The following HBB variants were observed in gnomAD, a reference collection of about 807,000 sequenced individuals.
HBB encodes hemoglobin subunit beta, also known as Hb Monza protein.
In HBB, 18 loss-of-function variants were observed where a neutral mutation model predicts 9.7. The observed-to-expected ratio is 1.86, with a 90% CI of 1.28 to 2.76. The LOEUF (loss-of-function observed/expected upper bound fraction) is 2.76, where lower values mean the gene tolerates loss of function less well. HBB is among the 30% of genes most tolerant of loss of function. The probability of loss-of-function intolerance (pLI) is 0.00; values close to 1 mark genes in which losing one functional copy is unlikely to be tolerated. For missense variants in HBB, 156 were observed against 177.0 expected (o/e 0.88, Z 0.67); for synonymous variants, 99 against 73.6 (o/e 1.35, Z -1.77).
chr11:5,226,503 A>G lies in HBB; in HGVS notation c.315+74T>C, dbSNP rs7480526. 7.4e-7 allele frequency: 1 copy of G among 1,343,124 alleles called. No homozygotes were observed. The allele number at this position is 1,343,124 out of a possible 1,614,324, so 83.2% of individuals were successfully genotyped here. The stretch of plus-strand genomic sequence containing the variant: ...CATTCTAAACTGTACCCTGTTACTT[A>G]TCCCCTTCCTATGACATGAACTTAA... On this transcript the variant is annotated intron_variant, in intron 2 of 2. Transcript: ENST00000335295.
Position 5,226,561 on chromosome 11 carries a change from C to T in HBB, c.315+16G>A, listed in dbSNP as rs10768683. 3 of 1,610,056 alleles carry T rather than the reference C, an allele frequency of 1.9e-6. No individual in the cohort carries two copies. Among genetic ancestry groups the T allele is most frequent in the East Asian group, 2.2e-5 (1 of 44,826 alleles). On this transcript the variant is annotated intron_variant, in intron 2 of 2. Transcript: ENST00000335295. ...AAAGAAGGGGAAAGAAAACATCAAG[C>T]GTCCCATAGACTCACCCTGAAGTTC...
chr11:5,225,503 G>T lies in HBB; in HGVS notation c.*95C>A. The T allele has an allele frequency of 8.8e-7, 1 of 1,141,894 alleles. No homozygotes were observed. The highest frequency in any genetic ancestry group is 1.3e-6 in the Non-Finnish European group (1 of 749,512). 70.7% of individuals were successfully genotyped at this position (1,141,894 alleles called of 1,614,324 possible). Reference sequence around the variant, plus strand: ...AATGTTTTTTATTAGGCAGAATCCAGATGCTCAAGGCCCTTCATAATATCC... The same window carrying T: ...AATGTTTTTTATTAGGCAGAATCCATATGCTCAAGGCCCTTCATAATATCC... On this transcript the variant is annotated 3_prime_UTR_variant, in exon 3 of 3. Coordinates refer to ENST00000335295, the MANE Select transcript of HBB (RefSeq NM_000518.5).
At chr11:5,225,747 G>A (rs778472232) in intron 2 of HBB, 21 bp from the exon 3 acceptor site, 2 of 1,613,500 alleles carry the variant, frequency 1.2e-6, no homozygotes, top group Non-Finnish European at 1.7e-6. Flanking sequence ...AAGATAAGAG[G>A]TATGAACATG....
At position 5,226,727 on chromosome 11, in the gene HBB, A is replaced by G. The variant is rs760975738; in HGVS notation, c.165T>C (p.Val55=). The part of the protein sequence containing the change: ...SFGDLSTPDA[V]MGNPKVKAHG... ...GAGCCTTCACCTTAGGGTTGCCCAT[A>G]ACAGCATCAGGAGTGGACAGATCCC... The change falls in exon 2 of 3, where the codon GTT becomes GTC. Residue 55 remains valine (V), a synonymous_variant. Coordinates refer to ENST00000335295, the MANE Select transcript of HBB (RefSeq NM_000518.5). 8 of 1,614,030 alleles carry G rather than the reference A, an allele frequency of 5.0e-6. No individual in the cohort carries two copies. The East Asian group carries it at 1.3e-4, about 27-fold the overall frequency.
In HBB at chr11:5,226,873, C is replaced by T. The variant is rs962266675; in HGVS notation, c.92+57G>A. 2 of 1,590,268 alleles carry T rather than the reference C, an allele frequency of 1.3e-6. No homozygotes were observed. The highest frequency in any genetic ancestry group is 1.1e-5 in the South Asian group (1 of 90,648). On this transcript the variant is annotated intron_variant, in intron 1 of 2. Transcript: ENST00000335295. ...AGAAACCCAAGAGTCTTCTCTGTCT[C>T]CACATGCCCAGTTTCTATTGGTCTC... is the stretch of plus-strand genomic sequence containing the variant.
chr11:5,226,399 C>A, intron 2 of HBB, 178 bp downstream of exon 2: 1 of 647,258 alleles, frequency 1.5e-6, no homozygotes. Context: ...CAAAAGAAAA[C>A]AATTGTTATG....
rs111415391 is a variant in HBB at position 5,226,317 on chromosome 11, T to C, written c.315+260A>G. Reference sequence around the variant, plus strand: ...ATCTCAGAGATATTTCCTTTTGTTATACACAATGTTAAGGCATTAAGTATA... The same window carrying C: ...ATCTCAGAGATATTTCCTTTTGTTACACACAATGTTAAGGCATTAAGTATA... On this transcript the variant is annotated intron_variant, in intron 2 of 2. Transcript: ENST00000335295. 188 of 590,224 alleles carry C rather than the reference T, an allele frequency of 3.2e-4. 2 individuals are homozygous for C. The highest frequency in any genetic ancestry group is 2.6e-3 in the African/African-American group (137 of 53,672). 36.6% of individuals were successfully genotyped at this position (590,224 alleles called of 1,614,324 possible).
In HBB at chr11:5,225,662, A is replaced by T. The variant is rs33925391; in HGVS notation, c.380T>A (p.Val127Glu). 2 of 1,614,070 alleles carry T rather than the reference A, an allele frequency of 1.2e-6. No individual in the cohort carries two copies. The highest frequency in any genetic ancestry group is 1.7e-5 in the Admixed American group (1 of 60,012). ...CACCACTTTCTGATAGGCAGCCTGC[A>T]CTGGTGGGGTGAATTCTTTGCCAAA... is the stretch of plus-strand genomic sequence containing the variant. ...HHFGKEFTPP[V>E]QAAYQKVVAG... The change falls in exon 3 of 3, where the codon GTG (valine) becomes GAG (glutamate). Residue 127 changes from valine (V) to glutamate (E), a missense_variant. By Grantham distance (121) the Val-to-Glu change is moderately radical (BLOSUM62 -2). Transcript: ENST00000335295.
chr11:5,226,065 G>A lies in HBB; in HGVS notation c.316-339C>T, dbSNP rs1322482679. On this transcript the variant is annotated intron_variant, in intron 2 of 2. Transcript: ENST00000335295. ...CAAAAAAGTATATTAAAAGAAGAAA[G>A]CATTTTTTAAAATTACAAATGCAAA... 6.6e-6 allele frequency among the ~76,000 whole-genome samples: 1 copy of A among 151,880 alleles called. No homozygotes were observed. Among genetic ancestry groups the A allele is most frequent in the Non-Finnish European group, 1.5e-5 (1 of 67,982 alleles).
chr11:5,226,400 A>T (rs2133587437), intron 2 of HBB, 177 bp downstream of exon 2: 1 of 654,110 alleles, frequency 1.5e-6, no homozygotes, highest in Non-Finnish European at 2.6e-6. Flanking sequence ...AAAAGAAAAC[A>T]ATTGTTATGA....
rs33930385 is a variant in HBB at position 5,226,642 on chromosome 11, C to T, written c.250G>A (p.Gly84Ser). The T allele has an allele frequency of 6.2e-7, 1 of 1,614,094 alleles. No individual in the cohort carries two copies. Among genetic ancestry groups the T allele is most frequent in the Non-Finnish European group, 8.5e-7 (1 of 1,180,020 alleles). ...DGLAHLDNLKGTFATLSELHC... is the reference protein window; with the variant it reads ...DGLAHLDNLKSTFATLSELHC... ...AGCTCACTCAGTGTGGCAAAGGTGCCCTTGAGGTTGTCCAGGTGAGCCAGG... is the reference window on the plus strand; with the variant it reads ...AGCTCACTCAGTGTGGCAAAGGTGCTCTTGAGGTTGTCCAGGTGAGCCAGG... The change falls in exon 2 of 3, where the codon GGC becomes AGC. Residue 84 changes from glycine (G) to serine (S), a missense_variant. Transcript: ENST00000335295.
In HBB at chr11:5,225,551, G is replaced by A. The variant is rs1158183534; in HGVS notation, c.*47C>T. 3 of 1,604,304 alleles carry A rather than the reference G, an allele frequency of 1.9e-6. No homozygotes were observed. Among genetic ancestry groups the A allele is most frequent in the African/African-American group, 1.3e-5 (1 of 74,814 alleles). ...TCCCCCAGTTTAGTAGTTGGACTTA[G>A]GGAACAAAGGAACCTTTAATAGAAA... On this transcript the variant is annotated 3_prime_UTR_variant, in exon 3 of 3. Coordinates refer to ENST00000335295, the MANE Select transcript of HBB (RefSeq NM_000518.5).
rs1847542763 is a variant in HBB at position 5,226,216 on chromosome 11, A to C, written c.315+361T>G. 2 of 379,146 alleles carry C rather than the reference A, an allele frequency of 5.3e-6. No individual in the cohort carries two copies. The highest frequency in any genetic ancestry group is 3.7e-5 in the South Asian group (1 of 26,812). The allele number at this position is 379,146 out of a possible 1,614,324, so 23.5% of individuals were successfully genotyped here. ...TAAAGTAGGGAGATTATGAATATGC[A>C]AATAAGCACACATATATTCCAAATA... On this transcript the variant is annotated intron_variant, in intron 2 of 2. Coordinates refer to ENST00000335295, the MANE Select transcript of HBB (RefSeq NM_000518.5).
In HBB at chr11:5,226,595, C is replaced by T. The variant is rs1490751764; in HGVS notation, c.297G>A (p.Val99=). 2 of 1,614,074 alleles carry T rather than the reference C, an allele frequency of 1.2e-6. No individual in the cohort carries two copies. Among genetic ancestry groups the T allele is most frequent in the South Asian group, 1.1e-5 (1 of 91,078 alleles). ...GACTCACCCTGAAGTTCTCAGGATC[C>T]ACGTGCAGCTTGTCACAGTGCAGCT... is the stretch of plus-strand genomic sequence containing the variant. ...LSELHCDKLH[V]DPENFRLLGN... is the part of the protein sequence containing the mutation. Residue 99 remains valine (V), a synonymous_variant, in exon 2 of 3, where the codon GTG becomes GTA. Coordinates refer to ENST00000335295, the MANE Select transcript of HBB (RefSeq NM_000518.5).
At position 5,225,876 on chromosome 11, in the gene HBB, G is replaced by C. The variant is rs193922556; in HGVS notation, c.316-150C>G. On this transcript the variant is annotated intron_variant, in intron 2 of 2. Coordinates refer to ENST00000335295, the MANE Select transcript of HBB (RefSeq NM_000518.5). ...TAGCAATATGAAACCTCTTACATCA[G>C]TTACAATTTATATGCAGAAATATTT... 4.1e-6 allele frequency: 3 copies of C among 737,834 alleles called. No homozygotes were observed. In the African/African-American group the frequency reaches 5.3e-5, roughly 13 times the overall value. 45.7% of individuals were successfully genotyped at this position (737,834 alleles called of 1,614,324 possible). A position where few individuals can be genotyped will look rare whatever the true frequency, so the allele number is the denominator to read the frequency against.
In HBB at chr11:5,225,824, GA is replaced by G. The variant is rs1257175417; in HGVS notation, c.316-99del. 3.2e-6 allele frequency: 4 copies of G among 1,263,100 alleles called. No homozygotes were observed. The highest frequency in any genetic ancestry group is 1.7e-5 in the Admixed American group (1 of 58,826). 78.2% of individuals were successfully genotyped at this position (1,263,100 alleles called of 1,614,324 possible). On this transcript the variant is annotated intron_variant, in intron 2 of 2. Coordinates refer to ENST00000335295, the MANE Select transcript of HBB (RefSeq NM_000518.5). ...TTATCCCAACCATAAAATAAAAGCA[GA>G]ATGGTAGCTGGATTGTAGCTGCTAT...
At position 5,226,558 on chromosome 11, in the gene HBB, A is replaced by G. The variant is rs1363813923; in HGVS notation, c.315+19T>C. On this transcript the variant is annotated intron_variant, in intron 2 of 2. Coordinates refer to ENST00000335295, the MANE Select transcript of HBB (RefSeq NM_000518.5). ...AGAAAAGAAGGGGAAAGAAAACATC[A>G]AGCGTCCCATAGACTCACCCTGAAG... The G allele has an allele frequency of 1.2e-6, 2 of 1,609,336 alleles. No individual in the cohort carries two copies. The highest frequency in any genetic ancestry group is 1.7e-5 in the Admixed American group (1 of 60,000).
Position 5,226,305 on chromosome 11 carries a change from T to C in HBB, c.315+272A>G, listed in dbSNP as rs1589892008. ...GTTACTTAATGTATCTCAGAGATAT[T>C]TCCTTTTGTTATACACAATGTTAAG... On this transcript the variant is annotated intron_variant, in intron 2 of 2. Transcript: ENST00000335295. 3 of 578,646 alleles carry C rather than the reference T, an allele frequency of 5.2e-6. No individual in the cohort carries two copies. Among genetic ancestry groups the C allele is most frequent in the Non-Finnish European group, 9.1e-6 (3 of 327,890 alleles). 35.8% of individuals were successfully genotyped at this position (578,646 alleles called of 1,614,324 possible).
rs762111851 is a variant in HBB at position 5,226,736 on chromosome 11, A to G, written c.156T>C (p.Pro52=). ...CCTTAGGGTTGCCCATAACAGCATC[A>G]GGAGTGGACAGATCCCCAAAGGACT... The part of the protein sequence containing the change: ...FFESFGDLST[P]DAVMGNPKVK... The change falls in exon 2 of 3, where the codon CCT becomes CCC. Residue 52 remains proline, a synonymous_variant. Transcript: ENST00000335295. 7.4e-6 allele frequency: 12 copies of G among 1,614,148 alleles called. No individual in the cohort carries two copies. In the South Asian group the frequency reaches 1.3e-4, roughly 18 times the overall value.
Sources: gnomAD v4.1 joint callset for allele counts (sites outside exome capture counted in the v4.1 genomes callset) on GRCh38, gnomAD v4.1.1 for gene constraint, MANE v1.5 for transcripts, NCBI Gene and HGNC (gene_info 2026-07-23, HGNC 2026-07-21) for gene names.